Variants in DST observed in about 807,000 individuals in gnomAD.
DST encodes bullous pemphigoid antigen.
In DST, 253 loss-of-function variants were observed where a neutral mutation model predicts 875.2. The observed-to-expected ratio is 0.29, with a 90% CI of 0.26 to 0.32. The LOEUF (loss-of-function observed/expected upper bound fraction) is 0.32. Among genes scored for constraint, DST ranks in the 10% least tolerant of loss-of-function variants. The pLI is 1.00. For missense variants in DST, 8,287 were observed against 9,111.6 expected (o/e 0.91, Z 3.68); for synonymous variants, 3,124 against 3,197.1 (o/e 0.98, Z 0.77).
At chr6:56,680,600 C>G (rs2099152449) in intron 9 of DST, among the ~76,000 whole-genome samples, 1 of 152,210 alleles carries the variant, frequency 6.6e-6, no homozygotes, top group African/African-American at 2.4e-5. Context: ...TTGGCTTCCA[C>G]AACGTCACCC....
At chr6:56,761,177 G>A (rs2099616354) in intron 4 of DST, among the ~76,000 whole-genome samples, 1 of 152,206 alleles carries the variant, frequency 6.6e-6, no homozygotes, top group Non-Finnish European at 1.5e-5. Context: ...CAGTGAGTGA[G>A]CCATCTTGGA....
chr6:56,696,377 G>A (rs552963975), intron 9 of DST, among the ~76,000 whole-genome samples: 1 of 152,178 alleles, frequency 6.6e-6, no homozygotes, highest in African/African-American at 2.4e-5. Flanking sequence ...GGTCAGGCTG[G>A]TCTTGAACTC....
chr6:56,628,089 C>G lies in DST; in HGVS notation c.4548G>C (p.Trp1516Cys), dbSNP rs149154059. The change falls in exon 33 of 104, where the codon TGG becomes TGC. Residue 1516 changes from tryptophan (W) to cysteine (C), a missense_variant. By Grantham distance (215) the Trp-to-Cys change is radical (BLOSUM62 -2). Around this residue, in one of 10 missense-constraint regions of DST, gnomAD observed 3,138 missense variants for 3,116.6 expected, o/e 1.01. Coordinates refer to ENST00000680361, the MANE Select transcript of DST (RefSeq NM_001374736.1). ...TCTGAGTAGTTTCAACCTGCTGGAT[C>G]CAATCATCTAAAGGATGGTAAGTGT... Reference protein sequence around the residue: ...YRDTYHPLDDWIQQVETTQRK... With the variant: ...YRDTYHPLDDCIQQVETTQRK... The G allele has an allele frequency of 6.8e-6, 11 of 1,613,606 alleles. No individual in the cohort carries two copies. The African/African-American group carries it at 1.5e-4, about 22-fold the overall frequency.
At position 56,703,692 on chromosome 6, in the gene DST, A is replaced by G; in HGVS notation, c.832T>C (p.Cys278Arg). 2.0e-6 allele frequency: 2 copies of G among 985,338 alleles called. No individual in the cohort carries two copies. The highest frequency in any genetic ancestry group is 2.4e-6 in the Non-Finnish European group (2 of 829,898). The allele number at this position is 985,338 out of a possible 1,614,324, so 61.0% of individuals were successfully genotyped here. ...TLRLVSATEA[C>R]EYEQHEDVED... Reference sequence around the variant, plus strand: ...ACATCCTCATGCTGTTCATATTCGCATGCTTCTGTTGCACTCACCAATCGT... The same window carrying G: ...ACATCCTCATGCTGTTCATATTCGCGTGCTTCTGTTGCACTCACCAATCGT... The change falls in exon 7 of 104, where the codon TGC (cysteine) becomes CGC (arginine). Residue 278 changes from cysteine (C) to arginine (R), a missense_variant. Coordinates refer to ENST00000680361, the MANE Select transcript of DST (RefSeq NM_001374736.1).
chr6:56,771,336 A>G (rs1248015050), intron 4 of DST, among the ~76,000 whole-genome samples: 1 of 152,142 alleles, frequency 6.6e-6, no homozygotes, highest in African/African-American at 2.4e-5. Context: ...TAATCCTCAC[A>G]CTAGTATGTG....
Position 56,634,420 on chromosome 6 carries a change from C to A in DST, c.3494+42G>T, listed in dbSNP as rs755005992. ...GATTGTTCCTTCAACCTTCAGAGGGCCCCCAAAACTAGCTCAACATTTTTA... is the reference window on the plus strand; with the variant it reads ...GATTGTTCCTTCAACCTTCAGAGGGACCCCAAAACTAGCTCAACATTTTTA... On this transcript the variant is annotated intron_variant, in intron 26 of 103. Transcript: ENST00000680361. The A allele has an allele frequency of 5.0e-6, 8 of 1,611,162 alleles. No homozygotes were observed. In the African/African-American group the frequency reaches 8.0e-5, roughly 16 times the overall value.
chr6:56,624,454 T>C, intron 36 of DST, 76 bp downstream of exon 36: 1 of 979,034 alleles, frequency 1.0e-6, no homozygotes, highest in Non-Finnish European at 1.6e-6. Flanking sequence ...CATGTTTTGC[T>C]TTCCCAAACT....
chr6:56,940,225 CACACACACACAT>C (rs1437278217), intron 2 of DST, among the ~76,000 whole-genome samples: 2 of 149,422 alleles, frequency 1.3e-5, no homozygotes, highest in Admixed American at 1.3e-4. Context: ...CACACACACA[CACACACACACAT>C]ATATACATAT....
intron 4 of DST, among the ~76,000 whole-genome samples, chr6:56,758,783 T>C (rs1298429533): frequency 6.6e-6 from 1 of 151,370 alleles, no homozygotes; most frequent in African/African-American, 2.4e-5. Flanking sequence ...AACTACTTTG[T>C]GGTAATTCAA....
Position 56,459,015 on chromosome 6 carries a change from G to A in DST, c.23447C>T (p.Ser7816Leu). ...KSPASKLDKS[S>L]KR is the part of the protein sequence containing the mutation. ...GTAGAACCAATTGCACTATCTCTTTGAGGACTTGTCCAATTTGCTGGCAGG... is the reference window on the plus strand; with the variant it reads ...GTAGAACCAATTGCACTATCTCTTTAAGGACTTGTCCAATTTGCTGGCAGG... Residue 7816 changes from serine (S) to leucine (L), a missense_variant, in exon 104 of 104, where the codon TCA becomes TTA. By Grantham distance (145) the Ser-to-Leu change is moderately radical. Coordinates refer to ENST00000680361, the MANE Select transcript of DST (RefSeq NM_001374736.1). The A allele has an allele frequency of 1.2e-6, 2 of 1,610,464 alleles. No homozygotes were observed. The highest frequency in any genetic ancestry group is 1.7e-6 in the Non-Finnish European group (2 of 1,177,452).
intron 4 of DST, among the ~76,000 whole-genome samples, chr6:56,784,014 G>A (rs2099699905): frequency 6.6e-6 from 1 of 152,074 alleles, no homozygotes; most frequent in African/African-American, 2.4e-5. Context: ...GAAATTCTGG[G>A]TTGAAAATTC....
chr6:56,741,800 C>CAAAAAAAA (rs1421040199), intron 4 of DST, among the ~76,000 whole-genome samples: 1 of 152,138 alleles, frequency 6.6e-6, no homozygotes, highest in Non-Finnish European at 1.5e-5. Context: ...TGATTTTAAA[C>CAAAAAAAA]AATTGAACTT....
At chr6:56,561,168 T>C (rs2152566445) in intron 57 of DST, 140 bp downstream of exon 57, 1 of 970,458 alleles carries the variant, frequency 1.0e-6, no homozygotes, top group East Asian at 2.7e-5. Context: ...AAAGGCACAT[T>C]AAACAAAACT....
intron 4 of DST, among the ~76,000 whole-genome samples, chr6:56,825,039 G>T (rs554813562): frequency 6.6e-6 from 1 of 152,216 alleles, no homozygotes; most frequent in Admixed American, 6.5e-5. Flanking sequence ...TGACAATGGC[G>T]GTTTTGTGGA....
chr6:56,673,501 A>G (rs921555692), intron 9 of DST, among the ~76,000 whole-genome samples: 4 of 152,208 alleles, frequency 2.6e-5, no homozygotes, highest in African/African-American at 7.2e-5. Context: ...GGAAGTCAGT[A>G]AAGTTCAACT....
rs1468842195 is a variant in DST, at chr6:56,552,474, C to A, written c.16318G>T (p.Asp5440Tyr). Residue 5440 changes from aspartate to tyrosine, a missense_variant, in exon 61 of 104, where the codon GAC becomes TAC. Physicochemically the swap from Asp to Tyr is radical, Grantham distance 160. Transcript: ENST00000680361. ...ATCTTGCAGGTTTTATTGGCATTGT[C>A]ATTGCTTGCCATGAGGGCTTCTAGT... ...KKLEALMASNDNANKTCKMML... is the reference protein window; with the variant it reads ...KKLEALMASNYNANKTCKMML... 3 of 1,613,792 alleles carry A rather than the reference C, an allele frequency of 1.9e-6. No individual in the cohort carries two copies. Among genetic ancestry groups the A allele is most frequent in the Non-Finnish European group, 2.5e-6 (3 of 1,179,872 alleles).
chr6:56,614,608 T>TTTTA, intron 36 of DST, 124 bp from the exon 37 acceptor site: 1 of 1,312,862 alleles, frequency 7.6e-7, no homozygotes, highest in Non-Finnish European at 9.7e-7. Context: ...TACTAAAACA[T>TTTTA]TTTATTCATT....
intron 3 of DST, among the ~76,000 whole-genome samples, chr6:56,870,019 C>T (rs1406855474): frequency 6.6e-6 from 1 of 151,834 alleles, no homozygotes; most frequent in Non-Finnish European, 1.5e-5. Flanking sequence ...CCTGGCAAAA[C>T]TAACAGAATA....
intron 4 of DST, chr6:56,742,337 T>C (rs1253133999): frequency 7.8e-7 from 1 of 1,289,764 alleles, no homozygotes; most frequent in Admixed American, 2.3e-5. Flanking sequence ...AGCTGCCCCA[T>C]CATTCTGCAG....
Sources: gnomAD v4.1 joint callset for allele counts (sites outside exome capture counted in the v4.1 genomes callset) on GRCh38, gnomAD v4.1.1 for gene constraint, gnomAD v4.1.1 regional missense constraint, MANE v1.5 for transcripts, NCBI Gene and HGNC (gene_info 2026-07-23, HGNC 2026-07-21) for gene names.